SNX10: variants seen among roughly 807,000 people sequenced by gnomAD.
SNX10 encodes the protein sorting nexin-10.
Under a neutral mutation model 28.5 loss-of-function variants are expected in SNX10, and 25 were observed. The ratio of observed to expected loss-of-function variants is 0.88; its 90% CI spans 0.64 to 1.22. The LOEUF is 1.22. SNX10 is among the 50% of genes most tolerant of loss of function. SNX10 has a pLI of 0.00. For missense variants in SNX10, 223 were observed against 242.6 expected, an observed-to-expected ratio of 0.92 and a Z score of 0.54; for synonymous variants, 62 against 81.4, an observed-to-expected ratio of 0.76 and a Z score of 1.28.
At chr7:26,305,939 A>G (rs551140833) in intron 1 of SNX10, among the ~76,000 whole-genome samples, 2 of 152,262 alleles carry the variant, frequency 1.3e-5, no homozygotes, top group Admixed American at 6.5e-5. Flanking sequence ...CTGTCGCCCA[A>G]GCTGGAGTGC....
intron 1 of SNX10, among the ~76,000 whole-genome samples, chr7:26,302,952 AAAAC>A (rs1584090675): frequency 6.6e-6 from 1 of 152,178 alleles, no homozygotes; most frequent in Non-Finnish European, 1.5e-5. Context: ...TCTAAAAACA[AAAAC>A]AAAAACAAAA....
At chr7:26,328,375 A>C (rs537922110) in intron 1 of SNX10, among the ~76,000 whole-genome samples, 6 of 152,190 alleles carry the variant, frequency 3.9e-5, no homozygotes, top group Non-Finnish European at 8.8e-5. Context: ...AGAAGGTATC[A>C]TGTGTCTACC....
intron 1 of SNX10, among the ~76,000 whole-genome samples, chr7:26,337,471 C>T (rs917309871): frequency 4.6e-5 from 7 of 152,146 alleles, no homozygotes; most frequent in African/African-American, 1.7e-4. Flanking sequence ...CTCCTTTCAC[C>T]CTTTCCTCTA....
At chr7:26,318,871 T>C (rs897070028) in intron 1 of SNX10, among the ~76,000 whole-genome samples, 1 of 152,184 alleles carries the variant, frequency 6.6e-6, no homozygotes, top group Non-Finnish European at 1.5e-5. Flanking sequence ...TATGAAAGAG[T>C]CACTTTTTCT....
intron 2 of SNX10, among the ~76,000 whole-genome samples, chr7:26,352,959 G>A (rs1299430225): frequency 6.6e-6 from 1 of 151,950 alleles, no homozygotes; most frequent in African/African-American, 2.4e-5. Context: ...CCTTGTGGAT[G>A]CCAATTATTT....
At chr7:26,318,250 G>T (rs1313654619) in intron 1 of SNX10, among the ~76,000 whole-genome samples, 1 of 152,066 alleles carries the variant, frequency 6.6e-6, no homozygotes, top group Non-Finnish European at 1.5e-5. Context: ...GGTATATGTG[G>T]TTATTTCTTA....
At chr7:26,342,124 T>G (rs1184876903) in intron 1 of SNX10, among the ~76,000 whole-genome samples, 1 of 151,424 alleles carries the variant, frequency 6.6e-6, no homozygotes, top group Non-Finnish European at 1.5e-5. Flanking sequence ...CCTCCCAAGT[T>G]CAAGTGATTC....
rs182313404 is a variant in SNX10, at chr7:26,371,848, A to G, written c.339A>G (p.Ser113=). The G allele has an allele frequency of 1.1e-4, 181 of 1,613,180 alleles. 1 individual carries two copies. The Admixed American group carries it at 2.5e-3, about 22-fold the overall frequency. ...RKVLQNALLL[S]DSSLHLFLQS... is the part of the protein sequence containing the mutation. ...TCCTACAGAATGCACTTTTGCTTTC[A>G]GATAGCAGCCTTCACCTCTTCTTAC... The change falls in exon 6 of 7, where the codon TCA becomes TCG. Residue 113 remains serine (S), a synonymous_variant. Coordinates refer to ENST00000338523, the MANE Select transcript of SNX10 (RefSeq NM_013322.3).
intron 3 of SNX10, among the ~76,000 whole-genome samples, chr7:26,363,654 C>G (rs574802560): frequency 6.6e-6 from 1 of 152,228 alleles, no homozygotes; most frequent in African/African-American, 2.4e-5. Context: ...AATATTTACT[C>G]TCGTCTTATG....
At chr7:26,322,429 C>G (rs1053916154) in intron 1 of SNX10, among the ~76,000 whole-genome samples, 1 of 152,128 alleles carries the variant, frequency 6.6e-6, no homozygotes, top group African/African-American at 2.4e-5. Flanking sequence ...AAGGGGAGTC[C>G]TTTAAATTGA....
chr7:26,365,222 G>A (rs1321160115), intron 5 of SNX10, 77 bp downstream of exon 5: 1 of 848,652 alleles, frequency 1.2e-6, no homozygotes, highest in Admixed American at 2.0e-5. Flanking sequence ...GTGGTGTGGG[G>A]AAGAGTGTTC....
chr7:26,363,789 G>A (rs1332136087), intron 3 of SNX10, among the ~76,000 whole-genome samples: 1 of 152,150 alleles, frequency 6.6e-6, no homozygotes, highest in African/African-American at 2.4e-5. Flanking sequence ...ATTATTAATA[G>A]ATAACATTGG....
intron 2 of SNX10, among the ~76,000 whole-genome samples, chr7:26,354,627 C>CA (rs1199423455): frequency 6.6e-6 from 1 of 152,196 alleles, no homozygotes; most frequent in African/African-American, 2.4e-5. Flanking sequence ...GTGATCCTCC[C>CA]ACCTTGGCCT....
At chr7:26,292,638 C>T (rs888796601) in intron 1 of SNX10, among the ~76,000 whole-genome samples, 1 of 151,986 alleles carries the variant, frequency 6.6e-6, no homozygotes, top group Admixed American at 6.6e-5. Context: ...TTTTCAGTTC[C>T]GATGCATCAT....
At chr7:26,326,135 T>C (rs1408179294) in intron 1 of SNX10, among the ~76,000 whole-genome samples, 2 of 152,170 alleles carry the variant, frequency 1.3e-5, no homozygotes, top group Admixed American at 1.3e-4. Flanking sequence ...CCATGGACTG[T>C]GGGGGAGGTT....
At chr7:26,327,730 T>C (rs932166917) in intron 1 of SNX10, among the ~76,000 whole-genome samples, 1 of 135,454 alleles carries the variant, frequency 7.4e-6, no homozygotes, top group East Asian at 2.2e-4. Context: ...TCTTTTCTTT[T>C]TTTTTTTTTT....
intron 1 of SNX10, among the ~76,000 whole-genome samples, chr7:26,338,323 A>G (rs537247467): frequency 6.6e-6 from 1 of 152,040 alleles, no homozygotes; most frequent in South Asian, 2.1e-4. Flanking sequence ...TAACTTCCCA[A>G]TGAGTTCACC....
intron 2 of SNX10, chr7:26,353,942 A>C (rs1788715766): frequency 6.6e-6 from 1 of 152,250 alleles, no homozygotes; most frequent in Admixed American, 6.5e-5. Flanking sequence ...TTTTTATGTT[A>C]GAAAATTCTC....
chr7:26,306,151 G>A (rs1267289687), intron 1 of SNX10, among the ~76,000 whole-genome samples: 1 of 151,508 alleles, frequency 6.6e-6, no homozygotes, highest in Non-Finnish European at 1.5e-5. Context: ...CGATCCACCC[G>A]CATTGGCCTC....
Sources: gnomAD v4.1 joint callset for allele counts (sites outside exome capture counted in the v4.1 genomes callset) on GRCh38, gnomAD v4.1.1 for gene constraint, MANE v1.5 for transcripts, NCBI Gene and HGNC (gene_info 2026-07-23, HGNC 2026-07-21) for gene names.